Variants in DLGAP1 observed in about 807,000 individuals in gnomAD.
The protein encoded by DLGAP1 is disks large-associated protein 1.
Under a neutral mutation model 90.8 loss-of-function variants are expected in DLGAP1, and 11 were observed. That is an observed-to-expected ratio of 0.12 (90% CI 0.08 to 0.20). The LOEUF (loss-of-function observed/expected upper bound fraction) is 0.20, where lower values mean the gene tolerates loss of function less well. Among genes scored for constraint, DLGAP1 ranks in the 10% least tolerant of loss-of-function variants. The probability of loss-of-function intolerance (pLI) is 1.00; values close to 1 mark genes in which losing one functional copy is unlikely to be tolerated. For synonymous variants in DLGAP1, 558 were observed against 540.7 expected (o/e 1.03, Z -0.44); for missense variants, 1,050 against 1,333.8 (o/e 0.79, Z 3.31).
intron 2 of DLGAP1, among the ~76,000 whole-genome samples, chr18:4,092,671 C>G (rs896560895): frequency 1.3e-5 from 2 of 152,078 alleles, no homozygotes; most frequent in East Asian, 3.9e-4. Context: ...GGCTTTTGTT[C>G]CATAACAGGG....
chr18:3,720,888 C>CCAAAAAAAAAAAAAAAAA lies in DLGAP1; in HGVS notation c.1591+8246_1591+8247insTTTTTTTTTTTTTTTTTG, dbSNP rs1441095000. On this transcript the variant is annotated intron_variant, in intron 7 of 12. Transcript: ENST00000315677. ...GCAACATACTAAGACCTTGTCTCTA[C>CCAAAAAAAAAAAAAAAAA]AAAAAAAAAAAAAAAAAAAAATTAG... 4.2e-4 allele frequency among the ~76,000 whole-genome samples: 21 copies of CCAAAAAAAAAAAAAAAAA among 50,308 alleles called. 2 individuals are homozygous for CCAAAAAAAAAAAAAAAAA. Among genetic ancestry groups the CCAAAAAAAAAAAAAAAAA allele is most frequent in the African/African-American group, 1.6e-3 (20 of 12,488 alleles). 33.0% of individuals were successfully genotyped at this position (50,308 alleles called of 152,430 possible).
chr18:3,887,519 A>C (rs2071347495), intron 3 of DLGAP1, among the ~76,000 whole-genome samples: 1 of 152,208 alleles, frequency 6.6e-6, no homozygotes, highest in African/African-American at 2.4e-5. Context: ...ACTGGAAGAA[A>C]AGAAGGAGTA....
At chr18:4,254,551 T>C (rs2078848824) in intron 1 of DLGAP1, among the ~76,000 whole-genome samples, 1 of 152,190 alleles carries the variant, frequency 6.6e-6, no homozygotes. Flanking sequence ...GGTATATTTG[T>C]CCTGCATTTG....
At chr18:3,832,468 G>A (rs574962801) in intron 4 of DLGAP1, among the ~76,000 whole-genome samples, 1 of 152,248 alleles carries the variant, frequency 6.6e-6, no homozygotes, top group South Asian at 2.1e-4. Context: ...AGCTGCACGA[G>A]TAGGCACTTA....
intron 7 of DLGAP1, chr18:3,593,975 C>A (rs2056425668): frequency 6.7e-6 from 1 of 149,950 alleles, no homozygotes; most frequent in African/African-American, 2.5e-5. Context: ...GTACAAAAAT[C>A]CAGGCAGGGA....
rs567064042 is a variant in DLGAP1 at position 4,269,509 on chromosome 18, A to G, written c.-266-118222T>C. ...GCTGGGACTACAGGAGCCCACCACC[A>G]TGCGCGGCTAATTTTTGTGTATTTT... On this transcript the variant is annotated intron_variant, in intron 1 of 12. Coordinates refer to ENST00000315677, the MANE Select transcript of DLGAP1 (RefSeq NM_004746.4). Among the ~76,000 whole-genome samples, 4 of 151,772 alleles carry G rather than the reference A, an allele frequency of 2.6e-5. No individual in the cohort carries two copies. The South Asian group carries it at 6.3e-4, about 24-fold the overall frequency.
chr18:3,650,146 C>T (rs1480123917), intron 7 of DLGAP1, among the ~76,000 whole-genome samples: 3 of 152,248 alleles, frequency 2.0e-5, no homozygotes, highest in East Asian at 1.9e-4. Context: ...TGGATTCAAG[C>T]GATTCTCCCG....
At chr18:4,090,040 G>A (rs977116759) in intron 2 of DLGAP1, among the ~76,000 whole-genome samples, 6 of 151,834 alleles carry the variant, frequency 4.0e-5, no homozygotes, top group Non-Finnish European at 7.4e-5. Context: ...GGGGGACTCC[G>A]TCTAAAAAAA....
chr18:4,223,374 T>C (rs1041414896), intron 1 of DLGAP1, among the ~76,000 whole-genome samples: 3 of 152,204 alleles, frequency 2.0e-5, no homozygotes, highest in African/African-American at 7.2e-5. Context: ...CAAGAACAGA[T>C]CCATGTTTGA....
intron 1 of DLGAP1, among the ~76,000 whole-genome samples, chr18:4,450,921 C>T (rs1375188173): frequency 6.6e-6 from 1 of 152,224 alleles, no homozygotes; most frequent in Non-Finnish European, 1.5e-5. Flanking sequence ...CCCAGCTATG[C>T]TGGTTGTCTA....
intron 1 of DLGAP1, among the ~76,000 whole-genome samples, chr18:4,235,659 A>T (rs1195026461): frequency 6.6e-6 from 1 of 151,814 alleles, no homozygotes; most frequent in Non-Finnish European, 1.5e-5. Context: ...GAAATAAAAG[A>T]TAAACCCAAG....
At chr18:3,838,070 A>G (rs1290552759) in intron 4 of DLGAP1, among the ~76,000 whole-genome samples, 1 of 152,132 alleles carries the variant, frequency 6.6e-6, no homozygotes, top group Non-Finnish European at 1.5e-5. Flanking sequence ...GAGAAATAGA[A>G]GGCAGAGACA....
At chr18:3,576,470 AG>A (rs1444982163) in intron 8 of DLGAP1, among the ~76,000 whole-genome samples, 2 of 151,868 alleles carry the variant, frequency 1.3e-5, no homozygotes, top group Non-Finnish European at 2.9e-5. Context: ...CATCTTGGCC[AG>A]GCTGGTATTG....
At chr18:4,213,178 G>A (rs888119559) in intron 1 of DLGAP1, among the ~76,000 whole-genome samples, 2 of 152,072 alleles carry the variant, frequency 1.3e-5, no homozygotes, top group Non-Finnish European at 2.9e-5. Flanking sequence ...AGCAAATTGG[G>A]GCAAAAACAT....
chr18:4,300,908 C>T (rs940474075), intron 1 of DLGAP1, among the ~76,000 whole-genome samples: 13 of 152,150 alleles, frequency 8.5e-5, no homozygotes, highest in African/African-American at 2.9e-4. Flanking sequence ...CAAAGGTTAT[C>T]TCTCCTTTGC....
intron 4 of DLGAP1, among the ~76,000 whole-genome samples, chr18:3,837,153 T>C (rs185201316): frequency 5.3e-4 from 80 of 152,356 alleles, no homozygotes; most frequent in Non-Finnish European, 8.4e-4. Flanking sequence ...GTTTTCTATC[T>C]TCCTTCCAAT....
At position 4,062,227 on chromosome 18, in the gene DLGAP1, A is replaced by C. The variant is rs557321384; in HGVS notation, c.-158-57026T>G. On this transcript the variant is annotated intron_variant, in intron 2 of 12. Transcript: ENST00000315677. ...GCAATATAGTGATTTGCCTAAGCGC[A>C]GTAAGAATCTGTTTTCTTTCACAAC... Among the ~76,000 whole-genome samples, 43 of 152,288 alleles carry C rather than the reference A, an allele frequency of 2.8e-4. No homozygotes were observed. The South Asian group carries it at 5.4e-3, about 19-fold the overall frequency.
At position 4,120,288 on chromosome 18, in the gene DLGAP1, A is replaced by G. The variant is rs187120112; in HGVS notation, c.-159+30892T>C. Among the ~76,000 whole-genome samples the G allele has an allele frequency of 5.0e-4, 76 of 152,362 alleles. No individual in the cohort carries two copies. The East Asian group carries it at 0.012, about 24-fold the overall frequency. ...TCAGAGTGCCCAATTAAATTTCTAC[A>G]GGTCATCAGATGGCGTCACTGACTG... On this transcript the variant is annotated intron_variant, in intron 2 of 12. Coordinates refer to ENST00000315677, the MANE Select transcript of DLGAP1 (RefSeq NM_004746.4).
intron 1 of DLGAP1, among the ~76,000 whole-genome samples, chr18:4,171,226 C>T (rs2077019178): frequency 6.6e-6 from 1 of 152,060 alleles, no homozygotes; most frequent in African/African-American, 2.4e-5. Context: ...CATAAGGCCT[C>T]TTTAATTGTT....
Sources: gnomAD v4.1 joint callset for allele counts (sites outside exome capture counted in the v4.1 genomes callset) on GRCh38, gnomAD v4.1.1 for gene constraint, MANE v1.5 for transcripts, NCBI Gene and HGNC (gene_info 2026-07-23, HGNC 2026-07-21) for gene names.